PITPNM1: variants seen among roughly 807,000 people sequenced by gnomAD.
PITPNM1 encodes the protein phosphatidylinositol transfer protein membrane associated 1.
PITPNM1 carries 74 observed loss-of-function variants against 133.3 expected under a neutral mutation model. The ratio of observed to expected loss-of-function variants is 0.56; its 90% CI spans 0.46 to 0.67. The LOEUF is 0.67. Among genes scored for constraint, PITPNM1 ranks in the 30% least tolerant of loss-of-function variants. The pLI is 0.00. For missense variants in PITPNM1, 1,398 were observed against 1,739.5 expected, an observed-to-expected ratio of 0.80 and a Z score of 3.49; for synonymous variants, 738 against 741.4, an observed-to-expected ratio of 1.00 and a Z score of 0.08.
At position 67,500,408 on chromosome 11, in the gene PITPNM1, C is replaced by T; in HGVS notation, c.654G>A (p.Val218=). 6.2e-7 allele frequency: 1 copy of T among 1,609,410 alleles called. No individual in the cohort carries two copies. Among genetic ancestry groups the T allele is most frequent in the South Asian group, 1.1e-5 (1 of 91,038 alleles). Residue 218 remains valine (V), a synonymous_variant, in exon 6 of 24, where the codon GTG becomes GTA. Coordinates refer to ENST00000356404, the MANE Select transcript of PITPNM1 (RefSeq NM_004910.3). Reference sequence around the variant, plus strand: ...AGGCCTGGCGGTGGGCCCGCAGCATCACCCGACGCAGACCTGCAGGTGCCC... The same window carrying T: ...AGGCCTGGCGGTGGGCCCGCAGCATTACCCGACGCAGACCTGCAGGTGCCC... The part of the protein sequence containing the change: ...QFIHDVGLRR[V]MLRAHRQAWC...
rs1440772121 is a variant in PITPNM1, at chr11:67,493,338, C to T, written c.3342+72G>A. The stretch of plus-strand genomic sequence containing the variant: ...CCAGTTGGGAACAGATGGGCCTCCG[C>T]CGATCCGGGGGTGGAGGGTAAGGGG... On this transcript the variant is annotated intron_variant, in intron 22 of 23. Coordinates refer to ENST00000356404, the MANE Select transcript of PITPNM1 (RefSeq NM_004910.3). 3 of 1,431,256 alleles carry T rather than the reference C, an allele frequency of 2.1e-6. No homozygotes were observed. In the African/African-American group the frequency reaches 4.3e-5, roughly 20 times the overall value. The allele number at this position is 1,431,256 out of a possible 1,614,324, so 88.7% of individuals were successfully genotyped here.
chr11:67,499,607 T>C (rs1421087812), intron 8 of PITPNM1, 116 bp downstream of exon 8: 1 of 44,832 alleles, frequency 2.2e-5, no homozygotes. Context: ...CATTCATTAT[T>C]CGTCTATGTA....
chr11:67,502,115 C>T lies in PITPNM1; in HGVS notation c.416-29G>A, dbSNP rs757297215. On this transcript the variant is annotated intron_variant, in intron 4 of 23. Transcript: ENST00000356404. The surrounding 1 kb of genome is among the most constrained non-coding windows in gnomAD (Gnocchi z 5.9). ...AGGGAGTTCGGCAAGCATTGAGCAG[C>T]GCCAGCCCCTTTGAGCCCCCGCTCC... 71 of 1,596,744 alleles carry T rather than the reference C, an allele frequency of 4.4e-5. No individual in the cohort carries two copies. The highest frequency in any genetic ancestry group is 5.6e-5 in the Non-Finnish European group (65 of 1,169,084).
At chr11:67,500,985 G>T (rs1015152227) in intron 5 of PITPNM1, among the ~76,000 whole-genome samples, 34 of 152,316 alleles carry the variant, frequency 2.2e-4, no homozygotes, top group African/African-American at 6.0e-4. Context: ...TCTTAGTAGT[G>T]GCTATATTTT....
chr11:67,494,817 G>GAC (rs751227961), intron 18 of PITPNM1, 29 bp downstream of exon 18: 1 of 1,415,272 alleles, frequency 7.1e-7, no homozygotes, highest in Non-Finnish European at 9.9e-7. Flanking sequence ...TGGGCGAGTG[G>GAC]GCGAGGGGGC....
At position 67,493,069 on chromosome 11, in the gene PITPNM1, C is replaced by T. The variant is rs376138046; in HGVS notation, c.3343-7G>A. 95 of 1,612,634 alleles carry T rather than the reference C, an allele frequency of 5.9e-5. No individual in the cohort carries two copies. The African/African-American group carries it at 8.7e-4, about 15-fold the overall frequency. ...CCACGATGTTCAGTTCTACCTGTGG[C>T]GGGAGATGCCAATCAGCCGCCCCAG... On this transcript the variant is annotated splice_polypyrimidine_tract_variant and splice_region_variant and intron_variant, in intron 22 of 23. Coordinates refer to ENST00000356404, the MANE Select transcript of PITPNM1 (RefSeq NM_004910.3).
rs1448628078 is a variant in PITPNM1 at position 67,499,707 on chromosome 11, T to C, written c.1171+16A>G. Reference sequence around the variant, plus strand: ...ACACGGGTGCTGGGGGCCGGTGTCCTAGGCGGTATCTTTACCTGGCGTTCC... The same window carrying C: ...ACACGGGTGCTGGGGGCCGGTGTCCCAGGCGGTATCTTTACCTGGCGTTCC... On this transcript the variant is annotated intron_variant, in intron 8 of 23. Transcript: ENST00000356404. The C allele has an allele frequency of 7.0e-7, 1 of 1,424,954 alleles. No individual in the cohort carries two copies. Among genetic ancestry groups the C allele is most frequent in the South Asian group, 1.4e-5 (1 of 71,354 alleles). The allele number at this position is 1,424,954 out of a possible 1,614,324, so 88.3% of individuals were successfully genotyped here.
At chr11:67,500,932 G>T (rs1376731752) in intron 5 of PITPNM1, among the ~76,000 whole-genome samples, 2 of 152,210 alleles carry the variant, frequency 1.3e-5, no homozygotes, top group Non-Finnish European at 2.9e-5. Context: ...AGTAATGATG[G>T]TTGAATGATA....
Position 67,492,247 on chromosome 11 carries a change from G to A in PITPNM1, c.3521C>T (p.Ser1174Leu), listed in dbSNP as rs368370765. 1.0e-5 allele frequency: 16 copies of A among 1,599,860 alleles called. No individual in the cohort carries two copies. The highest frequency in any genetic ancestry group is 4.4e-5 in the South Asian group (4 of 90,474). The change falls in exon 24 of 24, where the codon TCG (serine) becomes TTG (leucine). Residue 1174 changes from serine (S) to leucine (L), a missense_variant. Physicochemically the swap from Ser to Leu is moderately radical, Grantham distance 145 (BLOSUM62 -2). Around this residue, in one of 5 missense-constraint regions of PITPNM1, gnomAD observed 122 missense variants for 123.3 expected, o/e 0.99. Coordinates refer to ENST00000356404, the MANE Select transcript of PITPNM1 (RefSeq NM_004910.3). ...GGGTCCCGAGGAGGCATGCGAGTGC[G>A]AGCCCGCTTCCAGCTGGCCCAGGTG... ...VAHLGQLEAG[S>L]HSHASSGPPR...
In PITPNM1 at chr11:67,493,603, G is replaced by A. The variant is rs1014266029; in HGVS notation, c.3159-10C>T. The A allele has an allele frequency of 2.6e-5, 40 of 1,544,866 alleles. No individual in the cohort carries two copies. The highest frequency in any genetic ancestry group is 3.9e-5 in the Admixed American group (2 of 51,038). On this transcript the variant is annotated splice_polypyrimidine_tract_variant and intron_variant, in intron 21 of 23. Transcript: ENST00000356404. ...GGAGTCCTGCCAGTGCCTGTGGGGC[G>A]GGGGCAGCGGTCAGCTCCGCTGGCC...
At chr11:67,493,300 G>C in intron 22 of PITPNM1, 110 bp downstream of exon 22, 1 of 1,269,146 alleles carries the variant, frequency 7.9e-7, no homozygotes, top group East Asian at 2.6e-5. Flanking sequence ...AGTCAGGCAG[G>C]GCCCGGGCCG....
At chr11:67,492,412 C>G in intron 23 of PITPNM1, 116 bp from the exon 24 acceptor site, 2 of 1,093,436 alleles carry the variant, frequency 1.8e-6, no homozygotes, top group Admixed American at 2.9e-5. Context: ...AGGCTTGGCA[C>G]AGCCTGAGCT....
chr11:67,504,480 G>T lies in PITPNM1; in HGVS notation c.-41-259C>A, dbSNP rs959335259. 6.5e-6 allele frequency: 1 copy of T among 153,868 alleles called. No homozygotes were observed. The highest frequency in any genetic ancestry group is 2.4e-5 in the African/African-American group (1 of 41,472). The allele number at this position is 153,868 out of a possible 1,614,324, so 9.5% of individuals were successfully genotyped here. On this transcript the variant is annotated intron_variant, in intron 1 of 23. Transcript: ENST00000356404. The surrounding 1 kb of genome is among the most constrained non-coding windows in gnomAD (Gnocchi z 5.4). ...AACCGCGCGCTGACGCGGGCCCCCCGGAGCGCCAGGCTCCGGCCGGCGGGC... is the reference window on the plus strand; with the variant it reads ...AACCGCGCGCTGACGCGGGCCCCCCTGAGCGCCAGGCTCCGGCCGGCGGGC...
chr11:67,493,100 G>C, intron 22 of PITPNM1, 38 bp from the exon 23 acceptor site: 6 of 1,611,030 alleles, frequency 3.7e-6, no homozygotes, highest in Non-Finnish European at 5.1e-6. Flanking sequence ...CCCAGGGGTG[G>C]AGCCGTGCAG....
At position 67,493,547 on chromosome 11, in the gene PITPNM1, G is replaced by T; in HGVS notation, c.3205C>A (p.Pro1069Thr). Reference protein sequence around the residue: ...GYLIVYVTGRPDMQKHRVVAW... With the variant: ...GYLIVYVTGRTDMQKHRVVAW... The stretch of plus-strand genomic sequence containing the variant: ...ACCACGCGGTGCTTCTGCATATCCG[G>T]CCGGCCTGTGACATACACGATCAGG... Residue 1069 changes from proline to threonine, a missense_variant, in exon 22 of 24, where the codon CCG becomes ACG. This residue lies in a region of PITPNM1 where 233 missense variants were observed against 378.0 expected (regional missense o/e 0.62). Transcript: ENST00000356404. The T allele has an allele frequency of 6.4e-7, 1 of 1,571,140 alleles. No homozygotes were observed. The highest frequency in any genetic ancestry group is 8.6e-7 in the Non-Finnish European group (1 of 1,158,216).
Position 67,498,541 on chromosome 11 carries a change from C to T in PITPNM1, c.1484+55G>A. On this transcript the variant is annotated intron_variant, in intron 10 of 23. Transcript: ENST00000356404. This position sits in a 1 kb window ranked among gnomAD's most constrained non-coding sequence, Gnocchi z 5.7. ...TCCTGACCCCTTCCCCGCTCCCTGC[C>T]CCGCTCCCTGGCCTGATCCTACGAG... 4.5e-6 allele frequency: 7 copies of T among 1,570,030 alleles called. No homozygotes were observed. Among genetic ancestry groups the T allele is most frequent in the Non-Finnish European group, 6.0e-6 (7 of 1,162,624 alleles).
chr11:67,500,233 C>T lies in PITPNM1; in HGVS notation c.829G>A (p.Glu277Lys), dbSNP rs780672478. ...EAQPPGKPST[E>K]ARSAASNTGT... is the part of the protein sequence containing the mutation. ...GTGTTGCTGGCCGCAGACCGGGCCT[C>T]GGTGCTCGGTTTCCCGGGGGGCTGG... Residue 277 changes from glutamate to lysine, a missense_variant, in exon 6 of 24, where the codon GAG (glutamate) becomes AAG (lysine). Physicochemically the swap from Glu to Lys is moderately conservative, Grantham distance 56. This residue lies in a region of PITPNM1 where 195 missense variants were observed against 178.8 expected (regional missense o/e 1.09). Coordinates refer to ENST00000356404, the MANE Select transcript of PITPNM1 (RefSeq NM_004910.3). 28 of 1,604,878 alleles carry T rather than the reference C, an allele frequency of 1.7e-5. No individual in the cohort carries two copies. The highest frequency in any genetic ancestry group is 6.7e-5 in the East Asian group (3 of 44,884).
chr11:67,500,758 G>A (rs1329889073), intron 5 of PITPNM1, among the ~76,000 whole-genome samples: 2 of 152,212 alleles, frequency 1.3e-5, no homozygotes, highest in African/African-American at 4.8e-5. Context: ...AGTTAATTAA[G>A]GGTTTAACAG....
At position 67,501,954 on chromosome 11, in the gene PITPNM1, G is replaced by A. The variant is rs201524277; in HGVS notation, c.548C>T (p.Thr183Met). The change falls in exon 5 of 24, where the codon ACG becomes ATG. Residue 183 changes from threonine (T) to methionine (M), a missense_variant. By Grantham distance (81) the Thr-to-Met change is moderately conservative. Transcript: ENST00000356404. ...CTTATAGGCACACATAAGGGGCCCC[G>A]TCTGTGCCGCCGTCCGTGCCCAGTC... ...SDDWARTAAQ[T>M]GPLMCAYKLC... 3.7e-6 allele frequency: 6 copies of A among 1,613,510 alleles called. No individual in the cohort carries two copies. The African/African-American group carries it at 4.0e-5, about 11-fold the overall frequency.
Sources: allele counts gnomAD v4.1 joint callset (sites outside exome capture counted in the v4.1 genomes callset), GRCh38; gene constraint gnomAD v4.1.1; regional missense constraint gnomAD v4.1.1; non-coding constraint Gnocchi (gnomAD v3.1); transcripts MANE v1.5; gene names NCBI Gene and HGNC (gene_info 2026-07-23, HGNC 2026-07-21).